The following IVD variants were observed in gnomAD, a reference collection of about 807,000 sequenced individuals.
IVD encodes isovaleryl-CoA dehydrogenase, mitochondrial.
A neutral mutation model predicts 51.3 loss-of-function variants in IVD; 31 were observed. That is an observed-to-expected ratio of 0.60 (90% CI 0.45 to 0.81). The LOEUF (loss-of-function observed/expected upper bound fraction) is 0.81, where lower values mean the gene tolerates loss of function less well. IVD is among the 40% of genes least tolerant of loss of function. The probability of loss-of-function intolerance (pLI) is 0.00; values close to 1 mark genes in which losing one functional copy is unlikely to be tolerated. For missense variants in IVD, 475 were observed against 552.0 expected, an observed-to-expected ratio of 0.86 and a Z score of 1.40; for synonymous variants, 205 against 219.4, an observed-to-expected ratio of 0.93 and a Z score of 0.58.
At chr15:40,415,165 T>C in intron 8 of IVD, 183 bp downstream of exon 8, 1 of 780,734 alleles carries the variant, frequency 1.3e-6, no homozygotes, top group East Asian at 2.7e-5. Context: ...AGTGGGGAAA[T>C]ATCATTAAGT....
At chr15:40,423,137 C>T (rs1892461670), downstream of IVD, among the ~76,000 whole-genome samples, 1 of 151,846 alleles carries the variant, frequency 6.6e-6, no homozygotes, top group African/African-American at 2.4e-5. Flanking sequence ...CGGGCTTTCA[C>T]CATGTTGTCC....
At chr15:40,427,429 G>C (rs1263801506), downstream of IVD, among the ~76,000 whole-genome samples, 2 of 152,234 alleles carry the variant, frequency 1.3e-5, no homozygotes, top group Non-Finnish European at 2.9e-5. Context: ...CAGCGCTGGG[G>C]GCTGCCTGCC....
intron 3 of IVD, 46 bp downstream of exon 3, chr15:40,408,036 T>G (rs1165042778): frequency 6.5e-7 from 1 of 1,533,566 alleles, no homozygotes; most frequent in East Asian, 2.2e-5. Context: ...TTATGTGCCC[T>G]TTAAGACAGT....
chr15:40,433,964 T>G, intron 8 of IVD: 1 of 456,210 alleles, frequency 2.2e-6, no homozygotes, highest in Non-Finnish European at 4.4e-6. Flanking sequence ...CTGAGTAGGT[T>G]CCAGTGAACT....
In IVD at chr15:40,418,527, T is replaced by A. The variant is rs1891961378; in HGVS notation, c.*264T>A. On this transcript the variant is annotated 3_prime_UTR_variant, in exon 12 of 12. Coordinates refer to ENST00000487418, the MANE Select transcript of IVD (RefSeq NM_002225.5). ...TTGTCTGGGGATTGTTGGGACAGGT[T>A]TTGGTGACTCTGTGCCCTTGCTCTC... 2 of 1,273,188 alleles carry A rather than the reference T, an allele frequency of 1.6e-6. No individual in the cohort carries two copies. Among genetic ancestry groups the A allele is most frequent in the African/African-American group, 3.1e-5 (2 of 65,466 alleles). 78.9% of individuals were successfully genotyped at this position (1,273,188 alleles called of 1,614,324 possible).
chr15:40,411,182 C>T (rs1891036343), intron 4 of IVD, 78 bp from the exon 5 acceptor site: 1 of 1,359,174 alleles, frequency 7.4e-7, no homozygotes. Context: ...TTAATGTGGA[C>T]AGGAAGAGGC....
intron 1 of IVD, 111 bp from the exon 2 acceptor site, chr15:40,407,525 A>G: frequency 4.9e-6 from 4 of 817,586 alleles, no homozygotes; most frequent in Non-Finnish European, 8.8e-6. Context: ...GAGGCCTCTC[A>G]GTTTCAGTCT....
At chr15:40,418,073 TG>T in intron 11 of IVD, 56 bp from the exon 12 acceptor site, 1 of 1,610,106 alleles carries the variant, frequency 6.2e-7, no homozygotes, top group Non-Finnish European at 8.5e-7. Flanking sequence ...GCATTCTGTT[TG>T]CTTTCTTTGT....
At position 40,421,023 on chromosome 15, in the gene IVD, A is replaced by G; in HGVS notation, c.*2760A>G. The stretch of plus-strand genomic sequence containing the variant: ...AGACAGGTGGGGTTGGCTCCTCACC[A>G]ACCCCAGTTCCGTCCCATCCTGAGG... On this transcript the variant is annotated 3_prime_UTR_variant, in exon 12 of 12. Coordinates refer to ENST00000487418, the MANE Select transcript of IVD (RefSeq NM_002225.5). The G allele has an allele frequency of 1.0e-6, 1 of 985,390 alleles. No homozygotes were observed. Among genetic ancestry groups the G allele is most frequent in the African/African-American group, 1.7e-5 (1 of 57,344 alleles). The allele number at this position is 985,390 out of a possible 1,614,324, so 61.0% of individuals were successfully genotyped here.
At chr15:40,434,064 G>A in intron 8 of IVD, 1 of 362,284 alleles carries the variant, frequency 2.8e-6, no homozygotes, top group Non-Finnish European at 5.5e-6. Flanking sequence ...AACCTTCAGG[G>A]TTCAGGTCCC....
chr15:40,419,147 A>G lies in IVD; in HGVS notation c.*884A>G. The G allele has an allele frequency of 1.6e-6, 2 of 1,289,076 alleles. No homozygotes were observed. Among genetic ancestry groups the G allele is most frequent in the Non-Finnish European group, 2.0e-6 (2 of 988,778 alleles). 79.9% of individuals were successfully genotyped at this position (1,289,076 alleles called of 1,614,324 possible). ...GCAAAACTCTTCAAAAAACAAAACA[A>G]AACAAAAAAACCCTGGCCCTTGTTT... On this transcript the variant is annotated 3_prime_UTR_variant, in exon 12 of 12. Coordinates refer to ENST00000487418, the MANE Select transcript of IVD (RefSeq NM_002225.5).
chr15:40,425,273 C>G (rs1217230574), downstream of IVD, among the ~76,000 whole-genome samples: 1 of 152,034 alleles, frequency 6.6e-6, no homozygotes. Flanking sequence ...GACAGTATTC[C>G]AAGCCCATGT....
chr15:40,424,511 A>G, downstream of IVD: 1 of 238,676 alleles, frequency 4.2e-6, no homozygotes, highest in South Asian at 4.4e-5. Flanking sequence ...TCCATCCTGG[A>G]TGGGTCCCCT....
downstream of IVD, among the ~76,000 whole-genome samples, chr15:40,425,440 C>CTATATATATATATATA (rs72252183): frequency 2.5e-3 from 339 of 137,734 alleles, 5 homozygotes; most frequent in African/African-American, 9.7e-3. Context: ...TGGACTCATA[C>CTATATATATATATATA]TATATATATA....
intron 7 of IVD, 40 bp downstream of exon 7, chr15:40,413,127 C>T (rs1369292397): frequency 6.7e-7 from 1 of 1,490,390 alleles, no homozygotes; most frequent in East Asian, 2.3e-5. Flanking sequence ...TCTCCTGACC[C>T]CCTTCCAGGC....
chr15:40,415,505 CAT>C (rs1454191202), intron 9 of IVD, 23 bp downstream of exon 9: 1 of 1,602,544 alleles, frequency 6.2e-7, no homozygotes, highest in Non-Finnish European at 8.5e-7. Context: ...CTTTTGCTGA[CAT>C]GTACTCTTCA....
Position 40,418,507 on chromosome 15 carries a change from T to C in IVD, c.*244T>C. ...TGGACTCAGCAGGAAGCATATTGTCTGGGGATTGTTGGGACAGGTTTTGGT... is the reference window on the plus strand; with the variant it reads ...TGGACTCAGCAGGAAGCATATTGTCCGGGGATTGTTGGGACAGGTTTTGGT... On this transcript the variant is annotated 3_prime_UTR_variant, in exon 12 of 12. Coordinates refer to ENST00000487418, the MANE Select transcript of IVD (RefSeq NM_002225.5). 7.6e-7 allele frequency: 1 copy of C among 1,317,076 alleles called. No homozygotes were observed. The highest frequency in any genetic ancestry group is 9.8e-7 in the Non-Finnish European group (1 of 1,023,372). The allele number at this position is 1,317,076 out of a possible 1,614,324, so 81.6% of individuals were successfully genotyped here. A position where few individuals can be genotyped will look rare whatever the true frequency, so the allele number is the denominator to read the frequency against.
chr15:40,423,454 A>G (rs1332080337), downstream of IVD, among the ~76,000 whole-genome samples: 1 of 152,074 alleles, frequency 6.6e-6, no homozygotes, highest in East Asian at 1.9e-4. Flanking sequence ...AGCACTTTTA[A>G]GGATAGTTTT....
At chr15:40,410,083 A>T (rs976555329) in intron 3 of IVD, among the ~76,000 whole-genome samples, 1 of 151,786 alleles carries the variant, frequency 6.6e-6, no homozygotes, top group South Asian at 2.1e-4. Context: ...TGATCTGCCC[A>T]CCTCAGCCTC....
Sources: gnomAD v4.1 joint callset for allele counts (sites outside exome capture counted in the v4.1 genomes callset) on GRCh38, gnomAD v4.1.1 for gene constraint, MANE v1.5 for transcripts, NCBI Gene and HGNC (gene_info 2026-07-23, HGNC 2026-07-21) for gene names.